DHCR7: variants seen among roughly 807,000 people sequenced by gnomAD.
DHCR7 encodes the protein 7-DHC reductase.
In DHCR7, 40 loss-of-function variants were observed where a neutral mutation model predicts 43.3. The ratio of observed to expected loss-of-function variants is 0.92; its 90% CI spans 0.72 to 1.20. The LOEUF is 1.20. Among genes scored for constraint, DHCR7 ranks in the 50% most tolerant of loss-of-function variants. DHCR7 has a pLI of 0.00. For synonymous variants in DHCR7, 298 were observed against 271.4 expected, an observed-to-expected ratio of 1.10 and a Z score of -0.96; for missense variants, 608 against 644.6, an observed-to-expected ratio of 0.94 and a Z score of 0.62.
chr11:71,435,869 G>C (rs780180189), intron 8 of DHCR7, 30 bp from the exon 9 acceptor site: 13 of 1,570,228 alleles, frequency 8.3e-6, no homozygotes, highest in Non-Finnish European at 9.5e-6. Flanking sequence ...GGGTCAAGCG[G>C]TGCTTTGCCC....
Position 71,448,384 on chromosome 11 carries a change from AG to A in DHCR7, c.-227del, listed in dbSNP as rs1189988344. The A allele has an allele frequency of 6.6e-6, 1 of 152,340 alleles. No homozygotes were observed. The highest frequency in any genetic ancestry group is 1.5e-5 in the Non-Finnish European group (1 of 68,086). 9.4% of individuals were successfully genotyped at this position (152,340 alleles called of 1,614,324 possible). On this transcript the variant is annotated 5_prime_UTR_variant, in exon 1 of 9. Coordinates refer to ENST00000355527, the MANE Select transcript of DHCR7 (RefSeq NM_001360.3). ...CGCCTACCCTCTAGCCAGGGGTCGG[AG>A]TCACCCGCAGGGCAGGGGCGCCCGC... is the stretch of plus-strand genomic sequence containing the variant.
At position 71,435,794 on chromosome 11, in the gene DHCR7, C is replaced by T. The variant is rs749913821; in HGVS notation, c.1009G>A (p.Ala337Thr). Residue 337 changes from alanine to threonine, a missense_variant, in exon 9 of 9, where the codon GCC becomes ACC. Transcript: ENST00000355527. ...AGGCCCAGCAGCAGGACGCCCACGG[C>T]GTGCGGGGTGGACAGCTGCACGGGG... ...YHPVQLSTPH[A>T]VGVLLLGLVG... 12 of 1,607,324 alleles carry T rather than the reference C, an allele frequency of 7.5e-6. No individual in the cohort carries two copies. Among genetic ancestry groups the T allele is most frequent in the African/African-American group, 5.3e-5 (4 of 74,860 alleles).
At chr11:71,427,870 A>G (rs1354448283), downstream of DHCR7, among the ~76,000 whole-genome samples, 4 of 152,134 alleles carry the variant, frequency 2.6e-5, no homozygotes, top group African/African-American at 9.7e-5. Context: ...CTGGCCTTAT[A>G]CCGTATCCAG....
At chr11:71,443,803 G>A (rs1272380418) in intron 4 of DHCR7, among the ~76,000 whole-genome samples, 190 bp downstream of exon 4, 1 of 152,158 alleles carries the variant, frequency 6.6e-6, no homozygotes, top group Non-Finnish European at 1.5e-5. Context: ...TGATGTGACA[G>A]GTGCCTCCTG....
In DHCR7 at chr11:71,435,642, C is replaced by G. The variant is rs1308727027; in HGVS notation, c.1161G>C (p.Gly387=). 1.2e-6 allele frequency: 2 copies of G among 1,612,580 alleles called. No homozygotes were observed. Among genetic ancestry groups the G allele is most frequent in the Non-Finnish European group, 1.7e-6 (2 of 1,179,918 alleles). ...CCAGCAGCTTGCTGTGGTGCCTCTGCCCATCGGCGGATGTGTAGGAGCACT... is the reference window on the plus strand; with the variant it reads ...CCAGCAGCTTGCTGTGGTGCCTCTGGCCATCGGCGGATGTGTAGGAGCACT... ...VIECSYTSAD[G]QRHHSKLLVS... Residue 387 remains glycine (G), a synonymous_variant, in exon 9 of 9, where the codon GGG becomes GGC. Coordinates refer to ENST00000355527, the MANE Select transcript of DHCR7 (RefSeq NM_001360.3).
At chr11:71,445,203 T>G (rs1210346443) in intron 2 of DHCR7, among the ~76,000 whole-genome samples, 2 of 152,218 alleles carry the variant, frequency 1.3e-5, no homozygotes, top group Non-Finnish European at 2.9e-5. Context: ...TCTCAGTTCA[T>G]TCTCCAAACA....
rs777707316 is a variant in DHCR7, at chr11:71,438,874, G to A, written c.831+5C>T. 1.9e-6 allele frequency: 3 copies of A among 1,613,630 alleles called. No homozygotes were observed. The highest frequency in any genetic ancestry group is 1.7e-5 in the Admixed American group (1 of 60,028). On this transcript the variant is annotated splice_donor_5th_base_variant and intron_variant, in intron 7 of 8. Coordinates refer to ENST00000355527, the MANE Select transcript of DHCR7 (RefSeq NM_001360.3). ...CGTTTCACCCTCTCCAGCCATGACAGGCACCTGCAGGACGTTGACCAGGAC... is the reference window on the plus strand; with the variant it reads ...CGTTTCACCCTCTCCAGCCATGACAAGCACCTGCAGGACGTTGACCAGGAC...
chr11:71,442,808 C>G (rs1283717314), intron 4 of DHCR7, among the ~76,000 whole-genome samples: 1 of 152,146 alleles, frequency 6.6e-6, no homozygotes, highest in Non-Finnish European at 1.5e-5. Context: ...AGGTGTGCAC[C>G]ACCACACCCG....
chr11:71,432,609 G>A (rs1391961047), downstream of DHCR7, among the ~76,000 whole-genome samples: 4 of 152,250 alleles, frequency 2.6e-5, no homozygotes, highest in South Asian at 4.2e-4. Flanking sequence ...AATACATTCC[G>A]AACTATGGTC....
rs923179715 is a variant in DHCR7 at position 71,438,076 on chromosome 11, C to T, written c.832-133G>A. On this transcript the variant is annotated intron_variant, in intron 7 of 8. Coordinates refer to ENST00000355527, the MANE Select transcript of DHCR7 (RefSeq NM_001360.3). ...CTCAGCAACTTCCTCAATGCTGGGG[C>T]TGTTCCTTCCCTGCGGCTGGGGCTG... The T allele has an allele frequency of 2.2e-5, 24 of 1,070,176 alleles. 1 individual carries two copies. The highest frequency in any genetic ancestry group is 2.8e-5 in the Non-Finnish European group (20 of 714,318). 66.3% of individuals were successfully genotyped at this position (1,070,176 alleles called of 1,614,324 possible).
intron 7 of DHCR7, among the ~76,000 whole-genome samples, chr11:71,438,187 C>G (rs756571554): frequency 2.6e-5 from 4 of 152,222 alleles, no homozygotes; most frequent in Non-Finnish European, 5.9e-5. Context: ...TCTCCCAGCC[C>G]AGGTTCTCAG....
chr11:71,437,758 C>A (rs1267396448), intron 8 of DHCR7, 54 bp downstream of exon 8: 8 of 1,611,472 alleles, frequency 5.0e-6, no homozygotes, highest in Non-Finnish European at 6.8e-6. Context: ...AAGGAGAAAG[C>A]TTAGCATGTG....
intron 6 of DHCR7, 145 bp downstream of exon 6, chr11:71,441,082 G>C (rs1949342377): frequency 1.3e-6 from 1 of 779,026 alleles, no homozygotes. Context: ...TGTTCCCCAG[G>C]GTGAAGCAAG....
intron 8 of DHCR7, 49 bp from the exon 9 acceptor site, chr11:71,435,888 G>T (rs769186258): frequency 3.9e-6 from 6 of 1,529,754 alleles, no homozygotes; most frequent in Non-Finnish European, 5.3e-6. Flanking sequence ...CCAGGGAGAG[G>T]ACAGGAGTGT....
rs1489455946 is a variant in DHCR7 at position 71,435,128 on chromosome 11, G to C, written c.*247C>G. The C allele has an allele frequency of 1.5e-6, 1 of 674,516 alleles. No homozygotes were observed. The highest frequency in any genetic ancestry group is 1.5e-5 in the South Asian group (1 of 66,526). 41.8% of individuals were successfully genotyped at this position (674,516 alleles called of 1,614,324 possible). ...GACTGGGTCATCCTCCTGCCCCAGGGACACTGATTAGAGAAAATCCGTCTG... is the reference window on the plus strand; with the variant it reads ...GACTGGGTCATCCTCCTGCCCCAGGCACACTGATTAGAGAAAATCCGTCTG... On this transcript the variant is annotated 3_prime_UTR_variant, in exon 9 of 9. Coordinates refer to ENST00000355527, the MANE Select transcript of DHCR7 (RefSeq NM_001360.3).
chr11:71,441,108 C>A, intron 6 of DHCR7, 119 bp downstream of exon 6: 1 of 934,376 alleles, frequency 1.1e-6, no homozygotes, highest in Middle Eastern at 2.9e-4. Context: ...TCCCCCTCCT[C>A]CTCTTCCACG....
chr11:71,439,176 G>A, intron 6 of DHCR7, 93 bp from the exon 7 acceptor site: 1 of 1,197,770 alleles, frequency 8.3e-7, no homozygotes, highest in Non-Finnish European at 1.2e-6. Flanking sequence ...ACTGGCCCAG[G>A]GTCCTAAAGG....
chr11:71,439,050 C>T lies in DHCR7; in HGVS notation c.660G>A (p.Met220Ile). Residue 220 changes from methionine (M) to isoleucine (I), a missense_variant, in exon 7 of 9, where the codon ATG becomes ATA. Physicochemically the swap from Met to Ile is conservative, Grantham distance 10. Transcript: ENST00000355527. The stretch of plus-strand genomic sequence containing the variant: ...TCCGAGGGTTAAACTCGATGCCCAT[C>T]ATGTAGTTGTAAAAGAAATTGCCTG... Reference protein sequence around the residue: ...KFTGNFFYNYMMGIEFNPRIG... With the variant: ...KFTGNFFYNYIMGIEFNPRIG... 1 of 1,614,088 alleles carries T rather than the reference C, an allele frequency of 6.2e-7. No individual in the cohort carries two copies. The highest frequency in any genetic ancestry group is 8.5e-7 in the Non-Finnish European group (1 of 1,180,042).
chr11:71,446,937 G>A (rs1382280405), intron 2 of DHCR7, among the ~76,000 whole-genome samples: 2 of 152,240 alleles, frequency 1.3e-5, no homozygotes, highest in African/African-American at 2.4e-5. Context: ...TAGTGAGTCT[G>A]ATCTCAAGAT....
Sources: allele counts gnomAD v4.1 joint callset (sites outside exome capture counted in the v4.1 genomes callset), GRCh38; gene constraint gnomAD v4.1.1; transcripts MANE v1.5; gene names NCBI Gene and HGNC (gene_info 2026-07-23, HGNC 2026-07-21).